ROCK2: variants seen among roughly 807,000 people sequenced by gnomAD.
ROCK2 encodes Rho associated coiled-coil containing protein kinase 2.
ROCK2 carries 61 observed loss-of-function variants against 195.1 expected under a neutral mutation model. The ratio of observed to expected loss-of-function variants is 0.31; its 90% CI spans 0.25 to 0.39. The LOEUF is 0.39. Among genes scored for constraint, ROCK2 ranks in the 10% least tolerant of loss-of-function variants. The pLI, the probability that ROCK2 is intolerant of heterozygous loss-of-function variation, is 1.00. For synonymous variants in ROCK2, 504 were observed against 545.5 expected (o/e 0.92, Z 1.06); for missense variants, 1,109 against 1,637.4 (o/e 0.68, Z 5.57).
At chr2:11,302,117 T>C (rs1667726171) in intron 1 of ROCK2, among the ~76,000 whole-genome samples, 1 of 152,078 alleles carries the variant, frequency 6.6e-6, no homozygotes, top group Non-Finnish European at 1.5e-5. Flanking sequence ...GCAACTATGG[T>C]TTAAAAGAAA....
chr2:11,254,108 A>C (rs150882151), intron 3 of ROCK2, among the ~76,000 whole-genome samples: 51 of 152,360 alleles, frequency 3.3e-4, no homozygotes, highest in African/African-American at 1.2e-3. Context: ...ACATTTGTAT[A>C]CTTATTACTC....
intron 3 of ROCK2, among the ~76,000 whole-genome samples, chr2:11,268,677 T>C (rs930774101): frequency 7.2e-5 from 11 of 152,208 alleles, no homozygotes; most frequent in African/African-American, 2.7e-4. Flanking sequence ...ATTCTTTGTA[T>C]GTGACAAATC....
At position 11,235,389 on chromosome 2, in the gene ROCK2, CCTT is replaced by C. The variant is rs1665166695; in HGVS notation, c.723+310_723+312del. On this transcript the variant is annotated intron_variant, in intron 5 of 32. Transcript: ENST00000315872. The surrounding 1 kb of genome is among the most constrained non-coding windows in gnomAD (Gnocchi z 4.2). ...ATTTACCTTAATTTAGATTTTGTGT[CCTT>C]CTTCACCTAAATTATACATATGAAC... Among the ~76,000 whole-genome samples, 1 of 152,052 alleles carries C rather than the reference CCTT, an allele frequency of 6.6e-6. No individual in the cohort carries two copies. The highest frequency in any genetic ancestry group is 6.6e-5 in the Admixed American group (1 of 15,266).
In ROCK2 at chr2:11,299,527, T is replaced by A. The variant is rs192152955; in HGVS notation, c.142-11791A>T. ...AAAAGAAAGTCACTCGCTCATTCAA[T>A]TCTCGTAAAAGTTCCACTAGAAAAA... On this transcript the variant is annotated intron_variant, in intron 1 of 32. Transcript: ENST00000315872. Among the ~76,000 whole-genome samples the A allele has an allele frequency of 5.5e-4, 84 of 152,216 alleles. No individual in the cohort carries two copies. In the South Asian group the frequency reaches 5.6e-3, roughly 10 times the overall value.
intron 3 of ROCK2, among the ~76,000 whole-genome samples, chr2:11,281,019 T>G (rs1224922424): frequency 1.3e-5 from 2 of 151,896 alleles, no homozygotes; most frequent in East Asian, 3.9e-4. Flanking sequence ...AATCCAACAA[T>G]GTATTATGCG....
At position 11,226,628 on chromosome 2, in the gene ROCK2, A is replaced by C. The variant is rs193051446; in HGVS notation, c.868+626T>G. ...ATATGATTGATCAAGAAAATCTTAGAGGGCTAGGTGTGGTGGTTCATGCCT... is the reference window on the plus strand; with the variant it reads ...ATATGATTGATCAAGAAAATCTTAGCGGGCTAGGTGTGGTGGTTCATGCCT... On this transcript the variant is annotated intron_variant, in intron 6 of 32. Transcript: ENST00000315872. Among the ~76,000 whole-genome samples, 931 of 152,186 alleles carry C rather than the reference A, an allele frequency of 6.1e-3. 11 individuals are homozygous for C. Among genetic ancestry groups the C allele is most frequent in the Middle Eastern group, 0.024 (7 of 294 alleles).
At chr2:11,338,860 A>G (rs978336678) in intron 1 of ROCK2, among the ~76,000 whole-genome samples, 3 of 152,066 alleles carry the variant, frequency 2.0e-5, no homozygotes, top group African/African-American at 7.2e-5. Flanking sequence ...AGTATATACT[A>G]TATGATTCCA....
intron 12 of ROCK2, 79 bp from the exon 13 acceptor site, chr2:11,216,285 A>G (rs770245676): frequency 3.3e-4 from 344 of 1,029,446 alleles, no homozygotes; most frequent in Non-Finnish European, 4.5e-4. Flanking sequence ...AAGTAATTAC[A>G]TAATTACTTG....
chr2:11,339,050 G>A (rs1351573621), intron 1 of ROCK2, among the ~76,000 whole-genome samples: 2 of 152,140 alleles, frequency 1.3e-5, no homozygotes, highest in Non-Finnish European at 2.9e-5. Flanking sequence ...TTAAATAGGT[G>A]TGTGCATTTG....
At chr2:11,241,166 T>C (rs1665414819) in intron 4 of ROCK2, among the ~76,000 whole-genome samples, 1 of 152,192 alleles carries the variant, frequency 6.6e-6, no homozygotes, top group African/African-American at 2.4e-5. Flanking sequence ...ATATACATCA[T>C]GGATGAATCT....
chr2:11,265,154 G>C (rs1666371021), intron 3 of ROCK2, among the ~76,000 whole-genome samples: 1 of 152,080 alleles, frequency 6.6e-6, no homozygotes, highest in Non-Finnish European at 1.5e-5. Context: ...AAGTCTGGCT[G>C]GCATGTTACA....
At position 11,219,042 on chromosome 2, in the gene ROCK2, G is replaced by C. The variant is rs771321338; in HGVS notation, c.1260-16C>G. 8.0e-6 allele frequency: 11 copies of C among 1,375,980 alleles called. No individual in the cohort carries two copies. The highest frequency in any genetic ancestry group is 7.0e-6 in the Non-Finnish European group (7 of 1,007,006). The allele number at this position is 1,375,980 out of a possible 1,614,324, so 85.2% of individuals were successfully genotyped here. On this transcript the variant is annotated splice_polypyrimidine_tract_variant and intron_variant, in intron 9 of 32. Transcript: ENST00000315872. ...ACTTAATAATCTACATGGAAGGGGG[G>C]AGAAAATAAATTTTTTCATTTCATT...
At chr2:11,322,218 T>C (rs997385282) in intron 1 of ROCK2, among the ~76,000 whole-genome samples, 5 of 152,130 alleles carry the variant, frequency 3.3e-5, no homozygotes, top group Non-Finnish European at 5.9e-5. Context: ...ATGGTCAATT[T>C]AGAATACTAC....
chr2:11,224,460 C>T lies in ROCK2; in HGVS notation c.869G>A (p.Gly290Glu). ...VGVFLYEMLV[G>E]DTPFYADSLV... is the part of the protein sequence containing the mutation. ...TGAATCCGCATAAAATGGAGTATCC[C>T]CTAAAATTTCAAGAAAGAAGATACT... The change falls in exon 7 of 33, where the codon GGG becomes GAG. Residue 290 changes from glycine to glutamate, a missense_variant and splice_region_variant. Around this residue, in one of 6 missense-constraint regions of ROCK2, gnomAD observed 253 missense variants for 455.5 expected, o/e 0.56. Transcript: ENST00000315872. The T allele has an allele frequency of 6.2e-7, 1 of 1,610,084 alleles. No individual in the cohort carries two copies. Among genetic ancestry groups the T allele is most frequent in the South Asian group, 1.1e-5 (1 of 90,288 alleles).
chr2:11,200,508 C>A (rs140678714), intron 23 of ROCK2, among the ~76,000 whole-genome samples: 9 of 152,284 alleles, frequency 5.9e-5, no homozygotes, highest in African/African-American at 1.7e-4. Flanking sequence ...CCTCCCTTTT[C>A]ATTTCCACTG....
At chr2:11,227,102 C>A in intron 6 of ROCK2, 152 bp downstream of exon 6, 1 of 570,866 alleles carries the variant, frequency 1.8e-6, no homozygotes, top group Admixed American at 3.3e-5. Context: ...AATTAACAGT[C>A]TGCCCTATCA....
chr2:11,277,110 C>A (rs1240095365), intron 3 of ROCK2, among the ~76,000 whole-genome samples: 1 of 152,120 alleles, frequency 6.6e-6, no homozygotes. Flanking sequence ...TAGTGTGGTA[C>A]ATTTGTTACA....
intron 1 of ROCK2, among the ~76,000 whole-genome samples, chr2:11,342,173 T>G (rs1669127017): frequency 6.6e-6 from 1 of 152,226 alleles, no homozygotes; most frequent in South Asian, 2.1e-4. Context: ...AAAGGTTTAC[T>G]GCACCTCAAG....
At position 11,335,920 on chromosome 2, in the gene ROCK2, T is replaced by A. The variant is rs181709937; in HGVS notation, c.141+8076A>T. On this transcript the variant is annotated intron_variant, in intron 1 of 32. Coordinates refer to ENST00000315872, the MANE Select transcript of ROCK2 (RefSeq NM_004850.5). ...AGAAATCACTTTACAGTGAAACGAT[T>A]GATAATTGTGACTATATAAAACTCA... 7.2e-5 allele frequency among the ~76,000 whole-genome samples: 11 copies of A among 152,360 alleles called. No homozygotes were observed. In the East Asian group the frequency reaches 2.1e-3, roughly 29 times the overall value.
Sources: allele counts gnomAD v4.1 joint callset (sites outside exome capture counted in the v4.1 genomes callset), GRCh38; gene constraint gnomAD v4.1.1; regional missense constraint gnomAD v4.1.1; non-coding constraint Gnocchi (gnomAD v3.1); transcripts MANE v1.5; gene names NCBI Gene and HGNC (gene_info 2026-07-23, HGNC 2026-07-21).